CPN2: variants seen among roughly 807,000 people sequenced by gnomAD.
CPN2 encodes carboxypeptidase N 83 kDa chain.
For synonymous variants in CPN2, 336 were observed against 318.4 expected (o/e 1.06, Z -0.59); for missense variants, 620 against 671.4 (o/e 0.92, Z 0.85).
chr3:194,347,209 T>TC (rs1209007272), intron 1 of CPN2, among the ~76,000 whole-genome samples: 9 of 151,892 alleles, frequency 5.9e-5, no homozygotes, highest in African/African-American at 1.9e-4. Flanking sequence ...GTTTTTTTTT[T>TC]TTGAGGGATA....
chr3:194,341,185 G>C lies in CPN2; in HGVS notation c.1518C>G (p.Leu506=). ...GTCCCAGGGAGCCCTGCTGAGGAGA[G>C]AGCTGGACGTTCAGCCAGCGACACT... The part of the protein sequence containing the change: ...QAQCRWLNVQ[L]SPQQGSLGLQ... Residue 506 remains leucine, a synonymous_variant, in exon 2 of 2, where the codon CTC becomes CTG. Transcript: ENST00000323830. 3 of 1,613,502 alleles carry C rather than the reference G, an allele frequency of 1.9e-6. No individual in the cohort carries two copies. Among genetic ancestry groups the C allele is most frequent in the South Asian group, 2.2e-5 (2 of 91,076 alleles).
At chr3:194,346,872 G>A (rs1185307231) in intron 1 of CPN2, among the ~76,000 whole-genome samples, 1 of 152,186 alleles carries the variant, frequency 6.6e-6, no homozygotes, top group Non-Finnish European at 1.5e-5. Context: ...GTGAGCCAAT[G>A]AGACGCCTCT....
intron 1 of CPN2, among the ~76,000 whole-genome samples, chr3:194,349,120 G>A (rs1713160787): frequency 6.6e-6 from 1 of 151,860 alleles, no homozygotes; most frequent in African/African-American, 2.4e-5. Flanking sequence ...CAGCACTTTG[G>A]GAGGCTGAGG....
At chr3:194,348,496 C>T (rs929990225) in intron 1 of CPN2, among the ~76,000 whole-genome samples, 26 of 152,028 alleles carry the variant, frequency 1.7e-4, no homozygotes, top group African/African-American at 4.1e-4. Context: ...GGCATTGGGC[C>T]GCAGCAAGAA....
At position 194,340,734 on chromosome 3, in the gene CPN2, TAGGTG is replaced by T; in HGVS notation, c.*326_*330del. ...GATGCAGTGAATAGACCTCAGGGTG[TAGGTG>T]AGAGCGGTTGGGTGTTACATAATGG... On this transcript the variant is annotated 3_prime_UTR_variant, in exon 2 of 2. Coordinates refer to ENST00000323830, the MANE Select transcript of CPN2 (RefSeq NM_001080513.4). 7.1e-6 allele frequency: 2 copies of T among 280,266 alleles called. No homozygotes were observed. Among genetic ancestry groups the T allele is most frequent in the South Asian group, 9.7e-5 (1 of 10,310 alleles). The allele number at this position is 280,266 out of a possible 1,614,324, so 17.4% of individuals were successfully genotyped here.
chr3:194,349,035 A>G (rs1249952491), intron 1 of CPN2, among the ~76,000 whole-genome samples: 1 of 152,206 alleles, frequency 6.6e-6, no homozygotes, highest in Non-Finnish European at 1.5e-5. Context: ...GTATTTGTAC[A>G]CAGAAAACAT....
chr3:194,344,782 C>T (rs1712988486), intron 1 of CPN2, among the ~76,000 whole-genome samples: 1 of 152,218 alleles, frequency 6.6e-6, no homozygotes, highest in Non-Finnish European at 1.5e-5. Context: ...GTCCCTGCCA[C>T]TTAGGACATG....
chr3:194,349,775 CTTCTTTT>C (rs1713195237), intron 1 of CPN2, among the ~76,000 whole-genome samples: 1 of 83,780 alleles, frequency 1.2e-5, no homozygotes, highest in African/African-American at 4.6e-5. Flanking sequence ...TGACTACCCT[CTTCTTTT>C]TTTTTTTTTT....
chr3:194,344,798 G>A (rs1712988784), intron 1 of CPN2, among the ~76,000 whole-genome samples: 1 of 152,188 alleles, frequency 6.6e-6, no homozygotes, highest in Non-Finnish European at 1.5e-5. Context: ...ACATGTGAGG[G>A]GAAGGAACAA....
Position 194,341,743 on chromosome 3 carries a change from G to T in CPN2, c.960C>A (p.Leu320=). Residue 320 remains leucine, a synonymous_variant, in exon 2 of 2, where the codon CTC becomes CTA. Coordinates refer to ENST00000323830, the MANE Select transcript of CPN2 (RefSeq NM_001080513.4). ...GGAGGTGGGTAATGGCATTGTATGA[G>T]AGCATGAGGGAACGCAGGTTGGACA... The part of the protein sequence containing the change: ...AHLSNLRSLM[L]SYNAITHLPA... 6.2e-7 allele frequency: 1 copy of T among 1,614,138 alleles called. No homozygotes were observed. Among genetic ancestry groups the T allele is most frequent in the Non-Finnish European group, 8.5e-7 (1 of 1,180,040 alleles).
At chr3:194,350,193 C>G (rs1450312686) in intron 1 of CPN2, among the ~76,000 whole-genome samples, 2 of 152,192 alleles carry the variant, frequency 1.3e-5, no homozygotes, top group African/African-American at 2.4e-5. Flanking sequence ...CCCGACTGAG[C>G]CCGTGGTACT....
chr3:194,343,314 G>T (rs1008754482), intron 1 of CPN2, among the ~76,000 whole-genome samples: 1 of 152,078 alleles, frequency 6.6e-6, no homozygotes, highest in Non-Finnish European at 1.5e-5. Context: ...TTTCTTTACT[G>T]TTTTTTAAAA....
chr3:194,344,222 T>C (rs1712971182), intron 1 of CPN2, among the ~76,000 whole-genome samples: 2 of 152,226 alleles, frequency 1.3e-5, no homozygotes, highest in African/African-American at 4.8e-5. Flanking sequence ...TCCCGCTCAG[T>C]CACTCAGTGA....
At chr3:194,346,389 TC>T (rs1381437996) in intron 1 of CPN2, among the ~76,000 whole-genome samples, 2 of 152,178 alleles carry the variant, frequency 1.3e-5, no homozygotes, top group Non-Finnish European at 2.9e-5. Flanking sequence ...AACAGGGCCC[TC>T]TAAAGTTCAG....
At position 194,349,657 on chromosome 3, in the gene CPN2, G is replaced by A. The variant is rs573101226; in HGVS notation, c.-4+1585C>T. On this transcript the variant is annotated intron_variant, in intron 1 of 1. Coordinates refer to ENST00000323830, the MANE Select transcript of CPN2 (RefSeq NM_001080513.4). ...TTAGCTTCTGGAAGAGAAGACAGCTGACAGGTTGAACTAAGAGGCCGTTGT... is the reference window on the plus strand; with the variant it reads ...TTAGCTTCTGGAAGAGAAGACAGCTAACAGGTTGAACTAAGAGGCCGTTGT... 2.6e-5 allele frequency among the ~76,000 whole-genome samples: 4 copies of A among 152,032 alleles called. No individual in the cohort carries two copies. The East Asian group carries it at 5.8e-4, about 22-fold the overall frequency.
chr3:194,342,419 C>T lies in CPN2; in HGVS notation c.284G>A (p.Gly95Glu), dbSNP rs770359980. Residue 95 changes from glycine to glutamate, a missense_variant, in exon 2 of 2, where the codon GGG (glycine) becomes GAG (glutamate). By Grantham distance (98) the Gly-to-Glu change is moderately conservative. Transcript: ENST00000323830. Reference sequence around the variant, plus strand: ...CTCCAGGTCCTCCAGCCTGGGCAGCCCCCCGAAGGCATCCGGCCTAAACTG... The same window carrying T: ...CTCCAGGTCCTCCAGCCTGGGCAGCTCCCCGAAGGCATCCGGCCTAAACTG... ...LCQFRPDAFG[G>E]LPRLEDLEVT... 1.2e-6 allele frequency: 2 copies of T among 1,614,194 alleles called. No homozygotes were observed. The highest frequency in any genetic ancestry group is 1.7e-6 in the Non-Finnish European group (2 of 1,180,030).
At position 194,341,613 on chromosome 3, in the gene CPN2, C is replaced by A. The variant is rs756725736; in HGVS notation, c.1090G>T (p.Glu364Ter). 1 of 1,614,140 alleles carries A rather than the reference C, an allele frequency of 6.2e-7. No homozygotes were observed. Among genetic ancestry groups the A allele is most frequent in the East Asian group, 2.2e-5 (1 of 44,884 alleles). Reference sequence around the variant, plus strand: ...TGGTTCTTGGAGAGGCTGAGCAGCTCCAGCTTGGACAGGTTCTGGAAGAGG... The same window carrying A: ...TGGTTCTTGGAGAGGCTGAGCAGCTACAGCTTGGACAGGTTCTGGAAGAGG... ...PALFQNLSKL[E>*]LLSLSKNQLT... is the part of the protein sequence containing the mutation. Residue 364 changes from glutamate to a stop codon, truncating the protein, a stop_gained, in exon 2 of 2, where the codon GAG becomes TAG. Transcript: ENST00000323830. LOFTEE classifies it low-confidence loss of function (END_TRUNC).
chr3:194,351,139 C>T (rs1391414196), intron 1 of CPN2, 103 bp downstream of exon 1: 1 of 152,332 alleles, frequency 6.6e-6, no homozygotes, highest in African/African-American at 2.4e-5. Context: ...CGCAGCCTGC[C>T]TGGAGCTGCG....
At chr3:194,345,487 C>T (rs538350025) in intron 1 of CPN2, among the ~76,000 whole-genome samples, 30 of 152,318 alleles carry the variant, frequency 2.0e-4, no homozygotes, top group African/African-American at 6.5e-4. Flanking sequence ...CCACTGTGCC[C>T]GGCAAATTCT....
Sources: allele counts gnomAD v4.1 joint callset (sites outside exome capture counted in the v4.1 genomes callset), GRCh38; gene constraint gnomAD v4.1.1; transcripts MANE v1.5; gene names NCBI Gene and HGNC (gene_info 2026-07-23, HGNC 2026-07-21).